Variants in NRBP2 observed in about 807,000 individuals in gnomAD.
The protein encoded by NRBP2 is nuclear receptor-binding protein 2.
A neutral mutation model predicts 74.4 loss-of-function variants in NRBP2; 47 were observed. The observed-to-expected ratio is 0.63, with a 90% CI of 0.50 to 0.81. The LOEUF (loss-of-function observed/expected upper bound fraction) is 0.81, where lower values mean the gene tolerates loss of function less well. Among genes scored for constraint, NRBP2 ranks in the 30% least tolerant of loss-of-function variants. The pLI is 0.00. For missense variants in NRBP2, 613 were observed against 690.1 expected (o/e 0.89, Z 1.25); for synonymous variants, 312 against 273.8 (o/e 1.14, Z -1.38).
intron 10 of NRBP2, chr8:143,838,094 C>T (rs782336613): frequency 1.3e-5 from 7 of 544,208 alleles, no homozygotes; most frequent in Non-Finnish European, 2.4e-5. Context: ...TGGAGACGAC[C>T]TTGATGGGTC....
rs576006259 is a variant in NRBP2 at position 143,837,496 on chromosome 8, C to T, written c.987G>A (p.Glu329=). The T allele has an allele frequency of 1.2e-6, 2 of 1,610,542 alleles. No individual in the cohort carries two copies. Among genetic ancestry groups the T allele is most frequent in the East Asian group, 4.5e-5 (2 of 44,806 alleles). The change falls in exon 12 of 18, where the codon GAG becomes GAA. Residue 329 remains glutamate, a synonymous_variant. Coordinates refer to ENST00000442628, the MANE Select transcript of NRBP2 (RefSeq NM_178564.4). This position sits in a 1 kb window ranked among gnomAD's most constrained non-coding sequence, Gnocchi z 4.3. ...CFIQHQYLMP[E]NVVEEKTKAM... Reference sequence around the variant, plus strand: ...CCTTGGTCTTCTCCTCCACCACATTCTCAGGCATGAGGTCTGCGGCCACAA... The same window carrying T: ...CCTTGGTCTTCTCCTCCACCACATTTTCAGGCATGAGGTCTGCGGCCACAA...
At chr8:143,831,155 A>G (rs141409344), downstream of NRBP2, among the ~76,000 whole-genome samples, 396 of 152,368 alleles carry the variant, frequency 2.6e-3, 2 homozygotes, top group African/African-American at 8.9e-3. Flanking sequence ...CATGGTGCCC[A>G]GGACTGTTCT....
In NRBP2 at chr8:143,835,755, GA is replaced by G. The variant is rs1818337318; in HGVS notation, c.1438-26del. ...CCTGCGGAAGGAGGGAGGCATGGGG[GA>G]CGGAGGGGCGCGGCCTGCCCCGTGC... On this transcript the variant is annotated intron_variant, in intron 17 of 17. Coordinates refer to ENST00000442628, the MANE Select transcript of NRBP2 (RefSeq NM_178564.4). The surrounding 1 kb of genome is among the most constrained non-coding windows in gnomAD (Gnocchi z 4.9). 2 of 1,596,060 alleles carry G rather than the reference GA, an allele frequency of 1.3e-6. No homozygotes were observed. Among genetic ancestry groups the G allele is most frequent in the Non-Finnish European group, 1.7e-6 (2 of 1,173,580 alleles).
In NRBP2 at chr8:143,840,565, G is replaced by T; in HGVS notation, c.129+141C>A. Reference sequence around the variant, plus strand: ...CGCCAGGCCAAAGGGGTCCAGGGGTGGCTGATTCGCGGGCCGCGAGGGGCC... The same window carrying T: ...CGCCAGGCCAAAGGGGTCCAGGGGTTGCTGATTCGCGGGCCGCGAGGGGCC... On this transcript the variant is annotated intron_variant, in intron 1 of 17. Transcript: ENST00000442628. The surrounding 1 kb of genome is among the most constrained non-coding windows in gnomAD (Gnocchi z 5.7). 1 of 861,778 alleles carries T rather than the reference G, an allele frequency of 1.2e-6. No individual in the cohort carries two copies. Among genetic ancestry groups the T allele is most frequent in the Non-Finnish European group, 1.7e-6 (1 of 596,026 alleles). The allele number at this position is 861,778 out of a possible 1,614,324, so 53.4% of individuals were successfully genotyped here. A position where few individuals can be genotyped will look rare whatever the true frequency, so the allele number is the denominator to read the frequency against.
Position 143,834,549 on chromosome 8 carries a change from A to G in NRBP2, c.*1113T>C, listed in dbSNP as rs1159134404. 6.6e-6 allele frequency: 1 copy of G among 152,240 alleles called. No homozygotes were observed. Among genetic ancestry groups the G allele is most frequent in the Non-Finnish European group, 1.5e-5 (1 of 68,044 alleles). 9.4% of individuals were successfully genotyped at this position (152,240 alleles called of 1,614,324 possible). On this transcript the variant is annotated 3_prime_UTR_variant, in exon 18 of 18. Transcript: ENST00000442628. ...GCAATAAATTTGTGTTAAGTCACTA[A>G]GTTTGTGGTAAATTTTACAGCGGCA... is the stretch of plus-strand genomic sequence containing the variant.
Position 143,837,154 on chromosome 8 carries a change from A to C in NRBP2, c.1148T>G (p.Met383Arg), listed in dbSNP as rs1554652046. The change falls in exon 14 of 18, where the codon ATG (methionine) becomes AGG (arginine). Residue 383 changes from methionine (M) to arginine (R), a missense_variant. Met to Arg is a moderately conservative substitution (Grantham distance 91). Transcript: ENST00000442628. The surrounding 1 kb of genome is among the most constrained non-coding windows in gnomAD (Gnocchi z 4.3). The stretch of plus-strand genomic sequence containing the variant: ...CAGGGGTCGAGTGGCTGCAAAGTTC[A>C]TCAGTGGGTAGATTCCATTCCTGGG... The part of the protein sequence containing the change: ...EDVRNGIYPL[M>R]NFAATRPLGL... 6.2e-7 allele frequency: 1 copy of C among 1,612,626 alleles called. No homozygotes were observed. Among genetic ancestry groups the C allele is most frequent in the Non-Finnish European group, 8.5e-7 (1 of 1,178,994 alleles).
Position 143,839,848 on chromosome 8 carries a change from T to C in NRBP2, c.355-23A>G. The C allele has an allele frequency of 6.5e-7, 1 of 1,535,928 alleles. No homozygotes were observed. Among genetic ancestry groups the C allele is most frequent in the African/African-American group, 1.4e-5 (1 of 73,160 alleles). On this transcript the variant is annotated intron_variant, in intron 3 of 17. Coordinates refer to ENST00000442628, the MANE Select transcript of NRBP2 (RefSeq NM_178564.4). The surrounding 1 kb of genome is among the most constrained non-coding windows in gnomAD (Gnocchi z 5.1). ...GACCTGCACGGTGCGAGCTCAGGAT[T>C]TCCACCAGCTGCGGGTTCGTCCCCA...
chr8:143,835,557 G>T lies in NRBP2; in HGVS notation c.*105C>A. The stretch of plus-strand genomic sequence containing the variant: ...GTTCCTTCACTACCGGGGCCTTTGT[G>T]CTCCCAGGCGCATGGAGGAGGGCAG... On this transcript the variant is annotated 3_prime_UTR_variant, in exon 18 of 18. Coordinates refer to ENST00000442628, the MANE Select transcript of NRBP2 (RefSeq NM_178564.4). This position sits in a 1 kb window ranked among gnomAD's most constrained non-coding sequence, Gnocchi z 4.9. 1.0e-6 allele frequency: 1 copy of T among 960,866 alleles called. No individual in the cohort carries two copies. Among genetic ancestry groups the T allele is most frequent in the Non-Finnish European group, 1.5e-6 (1 of 649,538 alleles). The allele number at this position is 960,866 out of a possible 1,614,324, so 59.5% of individuals were successfully genotyped here.
Position 143,835,967 on chromosome 8 carries a change from T to C in NRBP2, c.1381A>G (p.Thr461Ala). ...CGCCCAAGTCCCCTGCCCAGCCTAC[T>C]TGGGAGCAGGTCGTAGGTCAGCTGC... ...HRQLTYDLLP[T>A]DSAQDLASEL... Residue 461 changes from threonine (T) to alanine (A), a missense_variant and splice_region_variant, in exon 16 of 18, where the codon ACG (threonine) becomes GCG (alanine). Thr to Ala is a moderately conservative substitution (Grantham distance 58, BLOSUM62 0). Around this residue, in one of 2 missense-constraint regions of NRBP2, gnomAD observed 281 missense variants for 260.9 expected, o/e 1.08. Coordinates refer to ENST00000442628, the MANE Select transcript of NRBP2 (RefSeq NM_178564.4). The surrounding 1 kb of genome is among the most constrained non-coding windows in gnomAD (Gnocchi z 4.9). The C allele has an allele frequency of 6.3e-7, 1 of 1,594,152 alleles. No individual in the cohort carries two copies. The highest frequency in any genetic ancestry group is 2.3e-5 in the East Asian group (1 of 44,274).
In NRBP2 at chr8:143,839,261, T is replaced by C. The variant is rs1818578618; in HGVS notation, c.580+53A>G. 2 of 1,535,604 alleles carry C rather than the reference T, an allele frequency of 1.3e-6. No homozygotes were observed. Among genetic ancestry groups the C allele is most frequent in the Non-Finnish European group, 1.7e-6 (2 of 1,146,604 alleles). ...GCATCAGAACTCCTCTGCCCTTGGC[T>C]CCAGGCACCTTCCCCTGCCCCGTTC... On this transcript the variant is annotated intron_variant, in intron 6 of 17. Transcript: ENST00000442628. This position sits in a 1 kb window ranked among gnomAD's most constrained non-coding sequence, Gnocchi z 5.1.
rs1818501205 is a variant in NRBP2, at chr8:143,837,946, G to C, written c.841-191C>G. 1.3e-6 allele frequency: 1 copy of C among 743,596 alleles called. No homozygotes were observed. Among genetic ancestry groups the C allele is most frequent in the African/African-American group, 1.7e-5 (1 of 58,120 alleles). 46.1% of individuals were successfully genotyped at this position (743,596 alleles called of 1,614,324 possible). A position where few individuals can be genotyped will look rare whatever the true frequency, so the allele number is the denominator to read the frequency against. On this transcript the variant is annotated intron_variant, in intron 10 of 17. Transcript: ENST00000442628. This position sits in a 1 kb window ranked among gnomAD's most constrained non-coding sequence, Gnocchi z 4.3. ...ACCTGGTCCTCTGAGCTTGAGGACA[G>C]CTGGGTTCTGGGATTGGAGCACCAT...
At position 143,840,600 on chromosome 8, in the gene NRBP2, T is replaced by C; in HGVS notation, c.129+106A>G. On this transcript the variant is annotated intron_variant, in intron 1 of 17. Coordinates refer to ENST00000442628, the MANE Select transcript of NRBP2 (RefSeq NM_178564.4). This position sits in a 1 kb window ranked among gnomAD's most constrained non-coding sequence, Gnocchi z 5.7. Reference sequence around the variant, plus strand: ...CGGGCCGCGAGGGGCCGCGGAGAGGTTTCCAGCCGCCGCGCTCTCCCAGCG... The same window carrying C: ...CGGGCCGCGAGGGGCCGCGGAGAGGCTTCCAGCCGCCGCGCTCTCCCAGCG... The C allele has an allele frequency of 8.8e-7, 1 of 1,133,246 alleles. No individual in the cohort carries two copies. Among genetic ancestry groups the C allele is most frequent in the Non-Finnish European group, 1.2e-6 (1 of 852,448 alleles). 70.2% of individuals were successfully genotyped at this position (1,133,246 alleles called of 1,614,324 possible). A position where few individuals can be genotyped will look rare whatever the true frequency, so the allele number is the denominator to read the frequency against.
downstream of NRBP2, chr8:143,833,250 GACAA>G (rs1187049691): frequency 2.0e-5 from 3 of 152,088 alleles, no homozygotes; most frequent in South Asian, 2.1e-4. Context: ...ATGAATCAAT[GACAA>G]ACACATATAG....
Position 143,839,869 on chromosome 8 carries a change from C to A in NRBP2, c.355-44G>T, listed in dbSNP as rs1250248524. 1.6e-5 allele frequency: 25 copies of A among 1,534,894 alleles called. No homozygotes were observed. Among genetic ancestry groups the A allele is most frequent in the Non-Finnish European group, 2.1e-5 (24 of 1,145,904 alleles). On this transcript the variant is annotated intron_variant, in intron 3 of 17. Transcript: ENST00000442628. The surrounding 1 kb of genome is among the most constrained non-coding windows in gnomAD (Gnocchi z 5.1). Reference sequence around the variant, plus strand: ...GGATTTCCACCAGCTGCGGGTTCGTCCCCATGCCCGCCCCACCTAGCTGTG... The same window carrying A: ...GGATTTCCACCAGCTGCGGGTTCGTACCCATGCCCGCCCCACCTAGCTGTG...
At position 143,835,442 on chromosome 8, in the gene NRBP2, G is replaced by A; in HGVS notation, c.*220C>T. 1.6e-6 allele frequency: 1 copy of A among 643,440 alleles called. No homozygotes were observed. The highest frequency in any genetic ancestry group is 2.8e-6 in the Non-Finnish European group (1 of 361,426). 39.9% of individuals were successfully genotyped at this position (643,440 alleles called of 1,614,324 possible). The stretch of plus-strand genomic sequence containing the variant: ...GTTCTGGGGGCAACCCTGATCCTAA[G>A]GACCTGGGAGGCCTAACGGCTCCCC... On this transcript the variant is annotated 3_prime_UTR_variant, in exon 18 of 18. Coordinates refer to ENST00000442628, the MANE Select transcript of NRBP2 (RefSeq NM_178564.4). This position sits in a 1 kb window ranked among gnomAD's most constrained non-coding sequence, Gnocchi z 4.9.
chr8:143,838,905 GAGA>G lies in NRBP2; in HGVS notation c.719_721del (p.Phe240del), dbSNP rs1554652663. 2.5e-6 allele frequency: 4 copies of G among 1,612,744 alleles called. No homozygotes were observed. Among genetic ancestry groups the G allele is most frequent in the South Asian group, 2.2e-5 (2 of 90,694 alleles). On this transcript the variant is annotated inframe_deletion, in exon 9 of 18. Transcript: ENST00000442628. ...TACCTCCAGCGCACACATCCCAAAGGAGAAGATGTCCACAGCGGTCCCATCGGC... is the reference window on the plus strand; with the variant it reads ...TACCTCCAGCGCACACATCCCAAAGGAGATGTCCACAGCGGTCCCATCGGC...
At chr8:143,836,347 C>T (rs1006976525) in intron 14 of NRBP2, among the ~76,000 whole-genome samples, 167 bp from the exon 15 acceptor site, 5 of 152,170 alleles carry the variant, frequency 3.3e-5, no homozygotes, top group East Asian at 1.9e-4. Context: ...CGAGAAGAGT[C>T]GACATTAGGG....
chr8:143,837,953 T>G lies in NRBP2; in HGVS notation c.841-198A>C, dbSNP rs1554652418. On this transcript the variant is annotated intron_variant, in intron 10 of 17. Coordinates refer to ENST00000442628, the MANE Select transcript of NRBP2 (RefSeq NM_178564.4). This position sits in a 1 kb window ranked among gnomAD's most constrained non-coding sequence, Gnocchi z 4.3. ...CCTCTGAGCTTGAGGACAGCTGGGT[T>G]CTGGGATTGGAGCACCATGCTCTGC... is the stretch of plus-strand genomic sequence containing the variant. 1.4e-6 allele frequency: 1 copy of G among 732,118 alleles called. No individual in the cohort carries two copies. Among genetic ancestry groups the G allele is most frequent in the South Asian group, 1.5e-5 (1 of 67,322 alleles). 45.4% of individuals were successfully genotyped at this position (732,118 alleles called of 1,614,324 possible). A position where few individuals can be genotyped will look rare whatever the true frequency, so the allele number is the denominator to read the frequency against.
rs782294001 is a variant in NRBP2 at position 143,838,877 on chromosome 8, C to T, written c.744+6G>A. 2 of 1,613,216 alleles carry T rather than the reference C, an allele frequency of 1.2e-6. No individual in the cohort carries two copies. Among genetic ancestry groups the T allele is most frequent in the South Asian group, 1.1e-5 (1 of 90,810 alleles). ...CAGAGCACAAGGTGGAGGGCGGGGG[C>T]AGTACCTCCAGCGCACACATCCCAA... On this transcript the variant is annotated splice_donor_region_variant and intron_variant, in intron 9 of 17. Coordinates refer to ENST00000442628, the MANE Select transcript of NRBP2 (RefSeq NM_178564.4).
Sources: allele counts gnomAD v4.1 joint callset (sites outside exome capture counted in the v4.1 genomes callset), GRCh38; gene constraint gnomAD v4.1.1; regional missense constraint gnomAD v4.1.1; non-coding constraint Gnocchi (gnomAD v3.1); transcripts MANE v1.5; gene names NCBI Gene and HGNC (gene_info 2026-07-23, HGNC 2026-07-21).